FHIT: variants seen among roughly 807,000 people sequenced by gnomAD.
FHIT encodes bis(5'-adenosyl)-triphosphatase.
FHIT carries 19 observed loss-of-function variants against 17.9 expected under a neutral mutation model. The ratio of observed to expected loss-of-function variants is 1.06; its 90% CI spans 0.74 to 1.56. The LOEUF is 1.56. Among genes scored for constraint, FHIT ranks in the 40% most tolerant of loss-of-function variants. FHIT has a pLI of 0.00. For synonymous variants in FHIT, 81 were observed against 69.7 expected (o/e 1.16, Z -0.81); for missense variants, 248 against 189.2 (o/e 1.31, Z -1.82).
chr3:59,773,148 G>T (rs1475663202), intron 8 of FHIT, among the ~76,000 whole-genome samples: 4 of 152,112 alleles, frequency 2.6e-5, no homozygotes, highest in African/African-American at 9.7e-5. Context: ...ATTCTGTAAG[G>T]CCCCTGTCTT....
intron 4 of FHIT, among the ~76,000 whole-genome samples, chr3:60,706,549 A>G (rs537306131): frequency 3.0e-4 from 46 of 152,334 alleles, no homozygotes; most frequent in Non-Finnish European, 5.6e-4. Flanking sequence ...ATCAGAGTGA[A>G]CAATAATTAC....
Position 60,798,752 on chromosome 3 carries a change from C to CTTTTTTT in FHIT, c.-18+23160_-18+23166dup, listed in dbSNP as rs35159710. On this transcript the variant is annotated intron_variant, in intron 4 of 9. Transcript: ENST00000492590. ...ATTCTCACATGCACTACTGCAATAG[C>CTTTTTTT]TTTTTTTTTTTTTTTTTTTTTTTGA... is the stretch of plus-strand genomic sequence containing the variant. Among the ~76,000 whole-genome samples the CTTTTTTT allele has an allele frequency of 8.3e-4, 87 of 105,454 alleles. 1 individual carries two copies. Among genetic ancestry groups the CTTTTTTT allele is most frequent in the Non-Finnish European group, 1.0e-3 (55 of 54,338 alleles). 69.2% of individuals were successfully genotyped at this position (105,454 alleles called of 152,430 possible). A position where few individuals can be genotyped will look rare whatever the true frequency, so the allele number is the denominator to read the frequency against.
At chr3:60,102,570 G>A (rs1224732098) in intron 5 of FHIT, among the ~76,000 whole-genome samples, 1 of 151,838 alleles carries the variant, frequency 6.6e-6, no homozygotes, top group Non-Finnish European at 1.5e-5. Flanking sequence ...CACAAAGTAA[G>A]CATCTGTAAA....
At chr3:60,572,539 TACACACACAGACAC>T (rs908712666) in intron 4 of FHIT, among the ~76,000 whole-genome samples, 12 of 152,102 alleles carry the variant, frequency 7.9e-5, no homozygotes, top group African/African-American at 2.4e-4. Context: ...CATACATGCA[TACACACACAGACAC>T]ACACACACTC....
At chr3:60,919,142 G>C (rs1017494084) in intron 3 of FHIT, among the ~76,000 whole-genome samples, 1 of 152,112 alleles carries the variant, frequency 6.6e-6, no homozygotes, top group Non-Finnish European at 1.5e-5. Flanking sequence ...ATGATGCAGG[G>C]GGCCTCATGT....
At chr3:60,301,723 T>C (rs911507159) in intron 5 of FHIT, among the ~76,000 whole-genome samples, 5 of 152,146 alleles carry the variant, frequency 3.3e-5, no homozygotes, top group East Asian at 3.9e-4. Context: ...AGGATAAACA[T>C]TGAAAATTTT....
intron 8 of FHIT, among the ~76,000 whole-genome samples, chr3:59,870,874 C>CATGT (rs145827785): frequency 4.7e-5 from 7 of 149,870 alleles, no homozygotes; most frequent in South Asian, 2.1e-4. Context: ...TGTGTGTGTG[C>CATGT]GTGTGTGTGT....
chr3:61,109,550 C>T (rs2036091861), intron 2 of FHIT, among the ~76,000 whole-genome samples: 1 of 152,138 alleles, frequency 6.6e-6, no homozygotes, highest in South Asian at 2.1e-4. Flanking sequence ...ACTCTCTCCC[C>T]TGTATGTAAG....
At chr3:60,969,493 C>T (rs1293357025) in intron 3 of FHIT, among the ~76,000 whole-genome samples, 1 of 151,930 alleles carries the variant, frequency 6.6e-6, no homozygotes, top group Non-Finnish European at 1.5e-5. Flanking sequence ...CTATAAATTT[C>T]CATATAAAAA....
At chr3:60,011,202 G>T (rs1240555385) in intron 7 of FHIT, among the ~76,000 whole-genome samples, 169 bp downstream of exon 7, 1 of 152,180 alleles carries the variant, frequency 6.6e-6, no homozygotes, top group East Asian at 1.9e-4. Flanking sequence ...GAAACATATT[G>T]TTTGGCAGAG....
rs145178770 is a variant in FHIT, at chr3:60,096,731, G to A, written c.104-82579C>T. Among the ~76,000 whole-genome samples the A allele has an allele frequency of 5.3e-5, 8 of 152,258 alleles. No homozygotes were observed. In the East Asian group the frequency reaches 7.7e-4, roughly 15 times the overall value. On this transcript the variant is annotated intron_variant, in intron 5 of 9. Transcript: ENST00000492590. ...CTCCCCAGTTCAAGCTGAGGCAGAC[G>A]CATGGACAAAGAAAAACAAACTGCT...
intron 8 of FHIT, among the ~76,000 whole-genome samples, chr3:59,900,795 G>C (rs9857422): frequency 0.036 from 5,456 of 152,104 alleles, 312 homozygotes; most frequent in African/African-American, 0.12. Context: ...TGTATTTTTG[G>C]TATAGACGGG....
chr3:60,106,579 T>G (rs991631861), intron 5 of FHIT, among the ~76,000 whole-genome samples: 1 of 152,190 alleles, frequency 6.6e-6, no homozygotes, highest in African/African-American at 2.4e-5. Context: ...CTGGGGGTCT[T>G]TGATTGTATC....
intron 8 of FHIT, among the ~76,000 whole-genome samples, chr3:59,871,211 T>C (rs1702907965): frequency 6.6e-6 from 1 of 152,154 alleles, no homozygotes; most frequent in Non-Finnish European, 1.5e-5. Context: ...AGGAAGTGTG[T>C]ACTCTGCTGA....
At chr3:60,118,426 T>C (rs560053925) in intron 5 of FHIT, among the ~76,000 whole-genome samples, 1 of 152,068 alleles carries the variant, frequency 6.6e-6, no homozygotes, top group East Asian at 1.9e-4. Flanking sequence ...ATTTTTTAAA[T>C]TTAACTTTTA....
At chr3:60,953,552 G>A (rs775266743) in intron 3 of FHIT, among the ~76,000 whole-genome samples, 10 of 152,054 alleles carry the variant, frequency 6.6e-5, no homozygotes, top group Non-Finnish European at 1.3e-4. Flanking sequence ...CTGACTAATC[G>A]GAAATGACTG....
chr3:60,529,355 T>TA (rs201144159), intron 5 of FHIT, among the ~76,000 whole-genome samples: 2,099 of 152,240 alleles, frequency 0.014, 42 homozygotes, highest in African/African-American at 0.047. Context: ...TTGACTGTTG[T>TA]AAAAAAATCC....
intron 5 of FHIT, among the ~76,000 whole-genome samples, chr3:60,227,567 G>T (rs1248955643): frequency 6.6e-6 from 1 of 152,170 alleles, no homozygotes; most frequent in Non-Finnish European, 1.5e-5. Flanking sequence ...TTTCCTGGAA[G>T]AAGGAAGAAC....
At chr3:60,567,540 G>C (rs1226946329) in intron 4 of FHIT, among the ~76,000 whole-genome samples, 2 of 152,130 alleles carry the variant, frequency 1.3e-5, no homozygotes, top group Non-Finnish European at 2.9e-5. Flanking sequence ...CAGGACATAA[G>C]TATGGGCAAG....
Sources: allele counts gnomAD v4.1 joint callset (sites outside exome capture counted in the v4.1 genomes callset), GRCh38; gene constraint gnomAD v4.1.1; transcripts MANE v1.5; gene names NCBI Gene and HGNC (gene_info 2026-07-23, HGNC 2026-07-21).